SELENOF: variants seen among roughly 807,000 people sequenced by gnomAD.
SELENOF encodes 15 kDa selenoprotein.
In SELENOF, 16 loss-of-function variants were observed where a neutral mutation model predicts 20.5. That is an observed-to-expected ratio of 0.78 (90% CI 0.53 to 1.19). The LOEUF (loss-of-function observed/expected upper bound fraction) is 1.19. Among genes scored for constraint, SELENOF ranks in the 50% most tolerant of loss-of-function variants. The pLI, the probability that SELENOF is intolerant of heterozygous loss-of-function variation, is 0.00. For missense variants in SELENOF, 215 were observed against 194.2 expected (o/e 1.11, Z -0.64); for synonymous variants, 78 against 74.5 (o/e 1.05, Z -0.24).
chr1:86,896,928 T>C (rs993762563), intron 2 of SELENOF, among the ~76,000 whole-genome samples: 6 of 152,312 alleles, frequency 3.9e-5, no homozygotes, highest in Admixed American at 3.9e-4. Context: ...AACTTGTTCT[T>C]AGTAAAAACA....
chr1:86,869,794 G>A (rs774247490), intron 3 of SELENOF, among the ~76,000 whole-genome samples: 1 of 150,760 alleles, frequency 6.6e-6, no homozygotes, highest in Non-Finnish European at 1.5e-5. Flanking sequence ...TCGGCTGAGC[G>A]CGGGGTCAGC....
chr1:86,886,513 G>A (rs1163169227), intron 2 of SELENOF, among the ~76,000 whole-genome samples: 3 of 150,868 alleles, frequency 2.0e-5, no homozygotes, highest in Non-Finnish European at 2.9e-5. Flanking sequence ...ATTTAAAATC[G>A]AAAGGTTAGT....
intron 2 of SELENOF, among the ~76,000 whole-genome samples, chr1:86,895,674 A>T (rs1659502969): frequency 6.6e-6 from 1 of 152,230 alleles, no homozygotes; most frequent in Non-Finnish European, 1.5e-5. Context: ...AAAACTGAAC[A>T]ATAAATTAGG....
chr1:86,899,438 G>A (rs1403411688), intron 2 of SELENOF, among the ~76,000 whole-genome samples: 11 of 110,456 alleles, frequency 1.0e-4, no homozygotes, highest in South Asian at 5.4e-4. Flanking sequence ...CCTCCCTCCC[G>A]GACGGGGCGG....
intron 2 of SELENOF, among the ~76,000 whole-genome samples, chr1:86,884,617 T>C (rs1229055152): frequency 6.6e-6 from 1 of 152,208 alleles, no homozygotes; most frequent in East Asian, 1.9e-4. Flanking sequence ...ATAAAGTTAA[T>C]TCCCTGATTT....
At chr1:86,883,035 A>C (rs1570386192) in intron 2 of SELENOF, among the ~76,000 whole-genome samples, 1 of 151,854 alleles carries the variant, frequency 6.6e-6, no homozygotes, top group African/African-American at 2.4e-5. Flanking sequence ...CAGAGGCAGG[A>C]GAATTGTTTG....
intron 2 of SELENOF, among the ~76,000 whole-genome samples, chr1:86,900,829 C>CA (rs1659684149): frequency 6.6e-6 from 1 of 152,198 alleles, no homozygotes; most frequent in African/African-American, 2.4e-5. Flanking sequence ...TGAGCCATCA[C>CA]ACCCGAGTTG....
intron 4 of SELENOF, 129 bp from the exon 5 acceptor site, chr1:86,863,734 A>G (rs910877214): frequency 9.4e-6 from 7 of 747,008 alleles, no homozygotes; most frequent in Non-Finnish European, 1.4e-5. Flanking sequence ...ATGACAATAA[A>G]CAAGTCTTAA....
In SELENOF at chr1:86,864,935, C is replaced by T. The variant is rs537591457; in HGVS notation, c.367-1330G>A. Among the ~76,000 whole-genome samples the T allele has an allele frequency of 9.7e-4, 148 of 151,844 alleles. No homozygotes were observed. In the Middle Eastern group the frequency reaches 0.021, roughly 21 times the overall value. ...ATAGGTGGGAGCCACCGCACCCAGC[C>T]GGTCAGGTTACTTCTTAAGTTAAGG... On this transcript the variant is annotated intron_variant, in intron 4 of 4. Coordinates refer to ENST00000331835, the MANE Select transcript of SELENOF (RefSeq NM_004261.5).
chr1:86,881,420 A>G (rs1483241733), intron 2 of SELENOF, among the ~76,000 whole-genome samples: 1 of 152,206 alleles, frequency 6.6e-6, no homozygotes, highest in African/African-American at 2.4e-5. Flanking sequence ...AATGGTAAAC[A>G]CCACTTTTTT....
At chr1:86,870,349 T>G (rs1658728588) in intron 3 of SELENOF, among the ~76,000 whole-genome samples, 1 of 152,224 alleles carries the variant, frequency 6.6e-6, no homozygotes, top group African/African-American at 2.4e-5. Flanking sequence ...ATCATTTCTA[T>G]TAACTTTATC....
chr1:86,892,917 A>G (rs1659426226), intron 2 of SELENOF, among the ~76,000 whole-genome samples: 1 of 152,226 alleles, frequency 6.6e-6, no homozygotes, highest in African/African-American at 2.4e-5. Flanking sequence ...AAGACAGCCC[A>G]GTGTTTTATA....
chr1:86,905,656 T>A (rs1446881229), intron 1 of SELENOF, among the ~76,000 whole-genome samples: 2 of 152,230 alleles, frequency 1.3e-5, no homozygotes, highest in African/African-American at 4.8e-5. Flanking sequence ...GTGACAGTTT[T>A]CATATATCTG....
intron 3 of SELENOF, among the ~76,000 whole-genome samples, chr1:86,878,477 C>G (rs1365108034): frequency 6.6e-6 from 1 of 152,062 alleles, no homozygotes; most frequent in Non-Finnish European, 1.5e-5. Context: ...GTCAGGAGTT[C>G]GAGACCAGCC....
chr1:86,864,394 T>C (rs540077827), intron 4 of SELENOF, among the ~76,000 whole-genome samples: 3 of 152,326 alleles, frequency 2.0e-5, no homozygotes, highest in Admixed American at 6.5e-5. Context: ...TTAAGTAGCA[T>C]TGGATAACTA....
chr1:86,875,918 AG>A (rs1287088602), intron 3 of SELENOF, among the ~76,000 whole-genome samples: 1 of 152,170 alleles, frequency 6.6e-6, no homozygotes, highest in Non-Finnish European at 1.5e-5. Context: ...AGTTGCACAT[AG>A]TTTTGCATAA....
At chr1:86,891,944 T>C (rs946853008) in intron 2 of SELENOF, among the ~76,000 whole-genome samples, 41 of 152,152 alleles carry the variant, frequency 2.7e-4, no homozygotes, top group Non-Finnish European at 5.0e-4. Context: ...TTTTTTTTTT[T>C]TCTAGAGATG....
intron 2 of SELENOF, among the ~76,000 whole-genome samples, chr1:86,883,802 G>T (rs1659140814): frequency 1.3e-5 from 2 of 152,046 alleles, no homozygotes; most frequent in Non-Finnish European, 2.9e-5. Flanking sequence ...GCTTACCTCA[G>T]GCCCCACTTG....
intron 4 of SELENOF, among the ~76,000 whole-genome samples, chr1:86,864,935 C>G (rs537591457): frequency 4.6e-5 from 7 of 151,728 alleles, no homozygotes; most frequent in African/African-American, 1.7e-4. Flanking sequence ...CGCACCCAGC[C>G]GGTCAGGTTA....
Sources: allele counts gnomAD v4.1 joint callset (sites outside exome capture counted in the v4.1 genomes callset), GRCh38; gene constraint gnomAD v4.1.1; transcripts MANE v1.5; gene names NCBI Gene and HGNC (gene_info 2026-07-23, HGNC 2026-07-21).